Variants in LYPD1 observed in about 807,000 individuals in gnomAD.
LYPD1 encodes LY6/PLAUR domain containing 1.
Under a neutral mutation model 14.2 loss-of-function variants are expected in LYPD1, and 14 were observed. The ratio of observed to expected loss-of-function variants is 0.99; its 90% CI spans 0.65 to 1.54. LYPD1 has a LOEUF of 1.54. Among genes scored for constraint, LYPD1 ranks in the 40% most tolerant of loss-of-function variants. LYPD1 has a pLI of 0.00. For synonymous variants in LYPD1, 85 were observed against 70.6 expected (o/e 1.20, Z -1.02); for missense variants, 165 against 175.7 (o/e 0.94, Z 0.34).
chr2:132,663,765 G>C (rs77651937), intron 2 of LYPD1, among the ~76,000 whole-genome samples: 2,373 of 152,230 alleles, frequency 0.016, 68 homozygotes, highest in African/African-American at 0.055. Flanking sequence ...GGAGAGGCCT[G>C]GTAGGAGGAG....
intron 2 of LYPD1, among the ~76,000 whole-genome samples, chr2:132,656,958 T>TAAA (rs1277039106): frequency 6.6e-6 from 1 of 152,136 alleles, no homozygotes; most frequent in African/African-American, 2.4e-5. Context: ...TCCCTAAGGG[T>TAAA]AAAAATAAAT....
rs1375036320 is a variant in LYPD1 at position 132,643,891 on chromosome 2, G to A, written c.*2154C>T. ...TTCATTGCCAACTGTCACTTCCCTA[G>A]GGTTTCTAGAAAATCAGAAGATTGA... On this transcript the variant is annotated 3_prime_UTR_variant, in exon 3 of 3. Transcript: ENST00000397463. Among the ~76,000 whole-genome samples the A allele has an allele frequency of 6.6e-6, 1 of 152,158 alleles. No individual in the cohort carries two copies. The highest frequency in any genetic ancestry group is 1.9e-4 in the East Asian group (1 of 5,200).
chr2:132,663,203 C>G (rs1334266087), intron 2 of LYPD1: 1 of 152,148 alleles, frequency 6.6e-6, no homozygotes, highest in African/African-American at 2.4e-5. Context: ...ATATGGAAAC[C>G]CTTTTAGCGG....
rs745438484 is a variant in LYPD1, at chr2:132,645,580, A to G, written c.*465T>C. On this transcript the variant is annotated 3_prime_UTR_variant, in exon 3 of 3. Coordinates refer to ENST00000397463, the MANE Select transcript of LYPD1 (RefSeq NM_144586.7). The stretch of plus-strand genomic sequence containing the variant: ...GAAACCAGCCAATTCTGCTGCAGAG[A>G]ATGGTTTTCAGGAGCATGAAGTTTG... The G allele has an allele frequency of 1.2e-6, 2 of 1,613,782 alleles. No individual in the cohort carries two copies. The highest frequency in any genetic ancestry group is 1.1e-5 in the South Asian group (1 of 91,016).
At chr2:132,661,129 C>A (rs954376010) in intron 2 of LYPD1, among the ~76,000 whole-genome samples, 31 of 152,116 alleles carry the variant, frequency 2.0e-4, no homozygotes, top group Non-Finnish European at 2.9e-5. Context: ...AGGACGGTGG[C>A]CTAAGAGTGA....
At chr2:132,661,469 C>T (rs1428443533) in intron 2 of LYPD1, among the ~76,000 whole-genome samples, 4 of 152,158 alleles carry the variant, frequency 2.6e-5, no homozygotes, top group Non-Finnish European at 5.9e-5. Flanking sequence ...CATTCTATCC[C>T]ATTCCATAAG....
Position 132,650,732 on chromosome 2 carries a change from A to AC in LYPD1, c.191-4453_191-4452insG, listed in dbSNP as rs1355022367. Among the ~76,000 whole-genome samples the AC allele has an allele frequency of 2.6e-3, 394 of 152,024 alleles. 1 individual carries two copies. The highest frequency in any genetic ancestry group is 8.9e-3 in the African/African-American group (367 of 41,392). On this transcript the variant is annotated intron_variant, in intron 2 of 2. Transcript: ENST00000397463. The stretch of plus-strand genomic sequence containing the variant: ...CCTTCCTTTAAAAAAAAAAAACAAA[A>AC]AACAAAAACAAAACCCAAATGAGTT...
Position 132,643,647 on chromosome 2 carries a change from C to T in LYPD1, c.*2398G>A, listed in dbSNP as rs1347585774. On this transcript the variant is annotated 3_prime_UTR_variant, in exon 3 of 3. Transcript: ENST00000397463. ...TCCCGCCTCAGCCCCCAAAAAGTATCTGAGACCACAGGTGTGTATGTACCA... is the reference window on the plus strand; with the variant it reads ...TCCCGCCTCAGCCCCCAAAAAGTATTTGAGACCACAGGTGTGTATGTACCA... Among the ~76,000 whole-genome samples the T allele has an allele frequency of 6.6e-6, 1 of 152,174 alleles. No homozygotes were observed. Among genetic ancestry groups the T allele is most frequent in the Non-Finnish European group, 1.5e-5 (1 of 68,034 alleles).
intron 2 of LYPD1, chr2:132,660,413 G>A (rs1365703854): frequency 6.6e-6 from 1 of 152,194 alleles, no homozygotes; most frequent in African/African-American, 2.4e-5. Context: ...GCTTTGTAGT[G>A]TTGGAAGCAA....
intron 2 of LYPD1, among the ~76,000 whole-genome samples, chr2:132,647,469 C>T (rs2320153): frequency 0.41 from 62,731 of 151,830 alleles, 13,582 homozygotes; most frequent in South Asian, 0.55. Flanking sequence ...CTTGCTCTGT[C>T]GCCCAGGCGC....
intron 2 of LYPD1, among the ~76,000 whole-genome samples, chr2:132,661,730 G>T (rs1682953315): frequency 6.6e-6 from 1 of 152,114 alleles, no homozygotes; most frequent in African/African-American, 2.4e-5. Flanking sequence ...CCAGGGGCTG[G>T]GAAAAGGGGA....
intron 2 of LYPD1, among the ~76,000 whole-genome samples, chr2:132,656,485 A>G (rs1400925434): frequency 6.6e-6 from 1 of 152,320 alleles, no homozygotes; most frequent in East Asian, 1.9e-4. Flanking sequence ...CTGAGCTCAA[A>G]GAAACTGCAA....
At chr2:132,668,601 C>A in intron 1 of LYPD1, 64 bp from the exon 2 acceptor site, 2 of 1,584,788 alleles carry the variant, frequency 1.3e-6, no homozygotes, top group Non-Finnish European at 1.7e-6. Context: ...GAAATCACGA[C>A]CATCCCACGC....
intron 2 of LYPD1, among the ~76,000 whole-genome samples, chr2:132,656,235 A>G (rs1682589519): frequency 6.6e-6 from 1 of 152,182 alleles, no homozygotes; most frequent in Non-Finnish European, 1.5e-5. Context: ...AGCCTTTAAT[A>G]GTCCATTACT....
intron 2 of LYPD1, among the ~76,000 whole-genome samples, chr2:132,647,479 C>A (rs557371507): frequency 6.6e-6 from 1 of 152,230 alleles, no homozygotes; most frequent in East Asian, 1.9e-4. Context: ...CGCCCAGGCG[C>A]CCGCCACCAC....
In LYPD1 at chr2:132,646,207, G is replaced by T; in HGVS notation, c.264C>A (p.Cys88Ter). 1 of 1,606,322 alleles carries T rather than the reference G, an allele frequency of 6.2e-7. No homozygotes were observed. Among genetic ancestry groups the T allele is most frequent in the Non-Finnish European group, 8.5e-7 (1 of 1,175,524 alleles). The change falls in exon 3 of 3, where the codon TGC (cysteine) becomes TGA (stop). Residue 88 changes from cysteine (C) to a stop codon, truncating the protein, a stop_gained. Transcript: ENST00000397463. LOFTEE classifies it high-confidence loss of function. ...LIASAGYQSF[C>*]SPGKLNSVCI... ...AAACTGAGTTCAGTTTCCCTGGGGA[G>T]CAGAAGGACTGGTACCCGGCAGAGG...
intron 2 of LYPD1, among the ~76,000 whole-genome samples, chr2:132,662,727 T>G (rs978246943): frequency 6.6e-6 from 1 of 152,202 alleles, no homozygotes; most frequent in Non-Finnish European, 1.5e-5. Flanking sequence ...ATGTTTTGTT[T>G]TCATACTTCG....
rs201708691 is a variant in LYPD1 at position 132,645,379 on chromosome 2, C to T, written c.*666G>A. On this transcript the variant is annotated 3_prime_UTR_variant, in exon 3 of 3. Coordinates refer to ENST00000397463, the MANE Select transcript of LYPD1 (RefSeq NM_144586.7). ...CGAGAAGCGCCTGCGCGTACATGCG[C>T]ACTCCACCACCGACAGCGCCCGCTT... 1.2e-4 allele frequency: 193 copies of T among 1,613,698 alleles called. No individual in the cohort carries two copies. The highest frequency in any genetic ancestry group is 1.6e-4 in the Non-Finnish European group (186 of 1,180,008).
Position 132,666,136 on chromosome 2 carries a change from C to T in LYPD1, c.190+2264G>A, listed in dbSNP as rs1216828526. On this transcript the variant is annotated intron_variant, in intron 2 of 2. Coordinates refer to ENST00000397463, the MANE Select transcript of LYPD1 (RefSeq NM_144586.7). The stretch of plus-strand genomic sequence containing the variant: ...GCAACCCACAGAAAAGAGTCAGATG[C>T]CTTGGGCGCTCAACAACAGTTAGCT... Among the ~76,000 whole-genome samples, 4 of 152,264 alleles carry T rather than the reference C, an allele frequency of 2.6e-5. 1 individual carries two copies. The highest frequency in any genetic ancestry group is 1.9e-4 in the East Asian group (1 of 5,182).
Sources: allele counts gnomAD v4.1 joint callset (sites outside exome capture counted in the v4.1 genomes callset), GRCh38; gene constraint gnomAD v4.1.1; transcripts MANE v1.5; gene names NCBI Gene and HGNC (gene_info 2026-07-23, HGNC 2026-07-21).